The following KIF1B variants were observed in gnomAD, a reference collection of about 807,000 sequenced individuals.
KIF1B encodes the protein kinesin family member 1B, also known as kinesin-like protein KIF1B.
Under a neutral mutation model 241.9 loss-of-function variants are expected in KIF1B, and 76 were observed. That is an observed-to-expected ratio of 0.31 (90% CI 0.26 to 0.38). The LOEUF (loss-of-function observed/expected upper bound fraction) is 0.38, where lower values mean the gene tolerates loss of function less well. KIF1B is among the 10% of genes least tolerant of loss of function. KIF1B has a pLI of 1.00. For missense variants in KIF1B, 1,622 were observed against 2,271.4 expected, an observed-to-expected ratio of 0.71 and a Z score of 5.81; for synonymous variants, 750 against 796.7, an observed-to-expected ratio of 0.94 and a Z score of 0.99.
intron 1 of KIF1B, among the ~76,000 whole-genome samples, chr1:10,221,638 G>A (rs1646846510): frequency 6.6e-6 from 1 of 152,076 alleles, no homozygotes; most frequent in Non-Finnish European, 1.5e-5. Context: ...TGTGATATAA[G>A]GAGGACTTTT....
rs183750748 is a variant in KIF1B at position 10,327,357 on chromosome 1, C to T, written c.2924+998C>T. Among the ~76,000 whole-genome samples the T allele has an allele frequency of 3.6e-3, 542 of 152,058 alleles. 1 individual carries two copies. The highest frequency in any genetic ancestry group is 0.01 in the Middle Eastern group (3 of 294). On this transcript the variant is annotated intron_variant, in intron 27 of 48. Transcript: ENST00000676179. ...TCTACTAAAAATACAAAAAATTAGCCGGGCATGGTGGCGGGTGCCTGTAAT... is the reference window on the plus strand; with the variant it reads ...TCTACTAAAAATACAAAAAATTAGCTGGGCATGGTGGCGGGTGCCTGTAAT...
At chr1:10,294,229 G>T (rs1360866390) in intron 17 of KIF1B, among the ~76,000 whole-genome samples, 1 of 152,168 alleles carries the variant, frequency 6.6e-6, no homozygotes, top group African/African-American at 2.4e-5. Context: ...TTTTTAAAAA[G>T]ATTTTAGAAA....
chr1:10,332,501 A>AT lies in KIF1B; in HGVS notation c.2925-1987dup, dbSNP rs568393252. ...GTCACCCTGCCTGAAGATAATAGTCATTTTTTTTTTTTTTTTTTTTTTTTT... is the reference window on the plus strand; with the variant it reads ...GTCACCCTGCCTGAAGATAATAGTCATTTTTTTTTTTTTTTTTTTTTTTTTT... On this transcript the variant is annotated intron_variant, in intron 27 of 48. Coordinates refer to ENST00000676179, the MANE Select transcript of KIF1B (RefSeq NM_001365951.3). 2.6e-3 allele frequency among the ~76,000 whole-genome samples: 152 copies of AT among 58,690 alleles called. 27 individuals carry two copies. The highest frequency in any genetic ancestry group is 7.0e-3 in the African/African-American group (107 of 15,250). The allele number at this position is 58,690 out of a possible 152,430, so 38.5% of individuals were successfully genotyped here.
chr1:10,243,362 T>G (rs937222455), intron 2 of KIF1B, among the ~76,000 whole-genome samples: 3 of 152,216 alleles, frequency 2.0e-5, no homozygotes, highest in Non-Finnish European at 2.9e-5. Context: ...GAGGTTGCAG[T>G]GAGCCAAGTT....
intron 34 of KIF1B, chr1:10,344,883 G>A (rs561731541): frequency 6.6e-6 from 1 of 152,312 alleles, no homozygotes; most frequent in South Asian, 2.1e-4. Context: ...CATAGCATCA[G>A]TACAGTTAAG....
chr1:10,212,888 GTGTATA>G (rs1646712063), intron 1 of KIF1B, among the ~76,000 whole-genome samples: 1 of 60,326 alleles, frequency 1.7e-5, no homozygotes, highest in South Asian at 5.9e-4. Flanking sequence ...GCATGCGTGT[GTGTATA>G]TATATATATA....
At position 10,256,305 on chromosome 1, in the gene KIF1B, C is replaced by A; in HGVS notation, c.165C>A (p.Ser55=). The change falls in exon 3 of 49, where the codon TCC becomes TCA. Residue 55 remains serine, a synonymous_variant. Transcript: ENST00000676179. The part of the protein sequence containing the change: ...EAPKSFSFDY[S]YWSHTSPEDP... ...CAAAGTCCTTCAGCTTCGACTATTCCTACTGGTCTCATACCTCAGTGAGTA... is the reference window on the plus strand; with the variant it reads ...CAAAGTCCTTCAGCTTCGACTATTCATACTGGTCTCATACCTCAGTGAGTA... The A allele has an allele frequency of 6.2e-7, 1 of 1,610,614 alleles. No homozygotes were observed. The highest frequency in any genetic ancestry group is 8.5e-7 in the Non-Finnish European group (1 of 1,176,816).
At chr1:10,331,890 A>G (rs573054672) in intron 27 of KIF1B, among the ~76,000 whole-genome samples, 118 of 152,356 alleles carry the variant, frequency 7.7e-4, no homozygotes, top group African/African-American at 2.8e-3. Flanking sequence ...TAGTAGCTAC[A>G]CAATAAAGAA....
intron 3 of KIF1B, 73 bp from the exon 4 acceptor site, chr1:10,258,420 A>G (rs2102186375): frequency 6.8e-7 from 1 of 1,476,436 alleles, no homozygotes; most frequent in Middle Eastern, 1.8e-4. Flanking sequence ...CACTTTTATT[A>G]TGGAAGCAAT....
intron 22 of KIF1B, among the ~76,000 whole-genome samples, chr1:10,300,090 A>C (rs999438626): frequency 1.3e-5 from 2 of 151,924 alleles, no homozygotes; most frequent in East Asian, 3.9e-4. Context: ...TACAAAAATT[A>C]GCAGGACGTC....
chr1:10,237,102 G>A (rs1647067284), intron 2 of KIF1B, among the ~76,000 whole-genome samples: 1 of 152,174 alleles, frequency 6.6e-6, no homozygotes, highest in Non-Finnish European at 1.5e-5. Flanking sequence ...AAACTGAGAA[G>A]TAGCTATTTT....
intron 14 of KIF1B, among the ~76,000 whole-genome samples, chr1:10,279,905 G>T (rs114930012): frequency 0.01 from 1,553 of 151,970 alleles, 21 homozygotes; most frequent in African/African-American, 0.035. Context: ...GTCTCGCTGT[G>T]TTTCCCAGGC....
intron 2 of KIF1B, among the ~76,000 whole-genome samples, chr1:10,252,378 G>T (rs1647501849): frequency 1.4e-5 from 2 of 142,104 alleles, no homozygotes; most frequent in Non-Finnish European, 1.5e-5. Flanking sequence ...CTTTGTTTTT[G>T]TGGGGTTTTT....
intron 2 of KIF1B, 136 bp downstream of exon 2, chr1:10,232,570 A>G: frequency 1.4e-6 from 1 of 699,936 alleles, no homozygotes; most frequent in Non-Finnish European, 2.6e-6. Context: ...GATCCATTGA[A>G]TGTATTCCCC....
At position 10,217,405 on chromosome 1, in the gene KIF1B, T is replaced by C. The variant is rs1646783993; in HGVS notation, c.-80+6527T>C. 2.0e-5 allele frequency among the ~76,000 whole-genome samples: 3 copies of C among 147,582 alleles called. No homozygotes were observed. The South Asian group carries it at 6.5e-4, about 32-fold the overall frequency. On this transcript the variant is annotated intron_variant, in intron 1 of 48. Transcript: ENST00000676179. Reference sequence around the variant, plus strand: ...CCCAGGCTGGGGTGCAGAGGCACAATCTCCTGGGTTCAAGCAATTCTCCTG... The same window carrying C: ...CCCAGGCTGGGGTGCAGAGGCACAACCTCCTGGGTTCAAGCAATTCTCCTG...
At position 10,233,926 on chromosome 1, in the gene KIF1B, A is replaced by G. The variant is rs534275662; in HGVS notation, c.106+1492A>G. Among the ~76,000 whole-genome samples, 12 of 151,950 alleles carry G rather than the reference A, an allele frequency of 7.9e-5. 1 individual carries two copies. The South Asian group carries it at 2.5e-3, about 32-fold the overall frequency. Reference sequence around the variant, plus strand: ...CAAAGTGCTGGGATTACAGGCGTGAACCACCGCGCCTGGCCAAGTTTTGGT... The same window carrying G: ...CAAAGTGCTGGGATTACAGGCGTGAGCCACCGCGCCTGGCCAAGTTTTGGT... On this transcript the variant is annotated intron_variant, in intron 2 of 48. Transcript: ENST00000676179.
chr1:10,261,905 T>C lies in KIF1B; in HGVS notation c.364T>C (p.Leu122=). 1 of 1,601,338 alleles carries C rather than the reference T, an allele frequency of 6.2e-7. No individual in the cohort carries two copies. The highest frequency in any genetic ancestry group is 8.6e-7 in the Non-Finnish European group (1 of 1,168,382). ...TGCCTCTCTCATTCTACTTCCCTAG[T>C]TATGTGAAGAACTTTTTGAGAAAAT... is the stretch of plus-strand genomic sequence containing the variant. The part of the protein sequence containing the change: ...EESQAGIIPQ[L]CEELFEKIND... The change falls in exon 5 of 49, where the codon TTA becomes CTA. Residue 122 remains leucine (L), a splice_region_variant and synonymous_variant. Coordinates refer to ENST00000676179, the MANE Select transcript of KIF1B (RefSeq NM_001365951.3).
At chr1:10,334,466 CA>C in intron 27 of KIF1B, 53 bp from the exon 28 acceptor site, 1 of 1,322,134 alleles carries the variant, frequency 7.6e-7, no homozygotes, top group Non-Finnish European at 1.1e-6. Context: ...ATCTGAAAGC[CA>C]GTTTATCTCT....
intron 1 of KIF1B, among the ~76,000 whole-genome samples, chr1:10,212,060 T>C (rs1646700744): frequency 6.6e-6 from 1 of 152,308 alleles, no homozygotes; most frequent in Non-Finnish European, 1.5e-5. Context: ...GAAATTAGAT[T>C]GTCAACAGAT....
Sources: gnomAD v4.1 joint callset for allele counts (sites outside exome capture counted in the v4.1 genomes callset) on GRCh38, gnomAD v4.1.1 for gene constraint, MANE v1.5 for transcripts, NCBI Gene and HGNC (gene_info 2026-07-23, HGNC 2026-07-21) for gene names.